RAPGEF2: variants seen among roughly 807,000 people sequenced by gnomAD.
RAPGEF2 encodes PDZ domain containing guanine nucleotide exchange factor (GEF) 1.
A neutral mutation model predicts 186.7 loss-of-function variants in RAPGEF2; 54 were observed. That is an observed-to-expected ratio of 0.29 (90% CI 0.23 to 0.36). The LOEUF (loss-of-function observed/expected upper bound fraction) is 0.36, where lower values mean the gene tolerates loss of function less well. RAPGEF2 is among the 10% of genes least tolerant of loss of function. The probability of loss-of-function intolerance (pLI) is 1.00; values close to 1 mark genes in which losing one functional copy is unlikely to be tolerated. For missense variants in RAPGEF2, 1,532 were observed against 2,045.0 expected, an observed-to-expected ratio of 0.75 and a Z score of 4.84; for synonymous variants, 712 against 705.9, an observed-to-expected ratio of 1.01 and a Z score of -0.14.
intron 7 of RAPGEF2, among the ~76,000 whole-genome samples, chr4:159,248,062 G>A (rs1314647542): frequency 6.6e-6 from 1 of 151,990 alleles, no homozygotes; most frequent in Non-Finnish European, 1.5e-5. Context: ...GCGCCCGGCC[G>A]AAATAATTTA....
intron 7 of RAPGEF2, among the ~76,000 whole-genome samples, chr4:159,248,408 C>T (rs549486875): frequency 9.9e-5 from 15 of 152,272 alleles, no homozygotes; most frequent in Non-Finnish European, 2.1e-4. Flanking sequence ...TCAGAAGAGT[C>T]TTAGGAGAGT....
At chr4:159,212,967 C>A (rs1406086525) in intron 4 of RAPGEF2, among the ~76,000 whole-genome samples, 2 of 152,212 alleles carry the variant, frequency 1.3e-5, no homozygotes, top group Non-Finnish European at 1.5e-5. Flanking sequence ...AGACTTATTT[C>A]TTGAGCACAT....
chr4:159,131,519 A>ATTGGTTTTTTTTTTT, intron 1 of RAPGEF2, among the ~76,000 whole-genome samples: 6 of 37,188 alleles, frequency 1.6e-4, no homozygotes, highest in African/African-American at 2.4e-4. Flanking sequence ...ATTAATTGCT[A>ATTGGTTTTTTTTTTT]TTTTTTTTTT....
chr4:159,212,541 C>T (rs1214720166), intron 4 of RAPGEF2, among the ~76,000 whole-genome samples: 1 of 151,924 alleles, frequency 6.6e-6, no homozygotes, highest in African/African-American at 2.4e-5. Flanking sequence ...TTAATGTCTT[C>T]CTTATTCTGG....
At position 159,359,212 on chromosome 4, in the gene RAPGEF2, G is replaced by A. The variant is rs1026676207; in HGVS notation, c.*1073G>A. ...GATAGCATTGCAGTGAAAGCAGCTT[G>A]GGATGTTGGAGCTAATGCCAGCTGT... On this transcript the variant is annotated 3_prime_UTR_variant, in exon 30 of 30. Transcript: ENST00000691494. 3 of 152,104 alleles carry A rather than the reference G, an allele frequency of 2.0e-5. No homozygotes were observed. Among genetic ancestry groups the A allele is most frequent in the African/African-American group, 7.2e-5 (3 of 41,406 alleles). The allele number at this position is 152,104 out of a possible 1,614,324, so 9.4% of individuals were successfully genotyped here.
intron 7 of RAPGEF2, among the ~76,000 whole-genome samples, chr4:159,272,107 A>G (rs1758204570): frequency 6.6e-6 from 1 of 152,078 alleles, no homozygotes; most frequent in South Asian, 2.1e-4. Flanking sequence ...GAACCTTGCC[A>G]TTTTGTCTCG....
intron 5 of RAPGEF2, among the ~76,000 whole-genome samples, chr4:159,240,638 T>A (rs1213446599): frequency 6.6e-6 from 1 of 151,996 alleles, no homozygotes; most frequent in African/African-American, 2.4e-5. Context: ...TGGCCTAAAA[T>A]TTTTTTAAAT....
chr4:159,320,645 C>T (rs1380119983), intron 9 of RAPGEF2, among the ~76,000 whole-genome samples: 1 of 152,036 alleles, frequency 6.6e-6, no homozygotes, highest in East Asian at 1.9e-4. Context: ...ACATAGAGTC[C>T]AATCAGAACA....
chr4:159,115,016 T>TA (rs1351699577), intron 1 of RAPGEF2, among the ~76,000 whole-genome samples: 1 of 152,170 alleles, frequency 6.6e-6, no homozygotes, highest in African/African-American at 2.4e-5. Flanking sequence ...AAAGGAATTT[T>TA]AAAAATCAAA....
chr4:159,208,409 T>C (rs1750183733), intron 3 of RAPGEF2, among the ~76,000 whole-genome samples: 1 of 152,156 alleles, frequency 6.6e-6, no homozygotes, highest in South Asian at 2.1e-4. Flanking sequence ...GATGTACTCT[T>C]GAAAGAAATG....
chr4:159,136,454 T>C (rs1035999390), intron 1 of RAPGEF2, among the ~76,000 whole-genome samples: 1 of 152,178 alleles, frequency 6.6e-6, no homozygotes. Context: ...AGTTTAGCTT[T>C]AGAACAAGGA....
chr4:159,112,420 G>T (rs1738598301), intron 1 of RAPGEF2, among the ~76,000 whole-genome samples: 1 of 151,882 alleles, frequency 6.6e-6, no homozygotes, highest in Non-Finnish European at 1.5e-5. Flanking sequence ...GTTAGCCTTA[G>T]CCTTCATATT....
At chr4:159,151,595 A>C (rs1452026855) in intron 1 of RAPGEF2, among the ~76,000 whole-genome samples, 1 of 151,896 alleles carries the variant, frequency 6.6e-6, no homozygotes, top group Non-Finnish European at 1.5e-5. Flanking sequence ...TTAGAAGATG[A>C]CAGTCTGATA....
rs1330910010 is a variant in RAPGEF2 at position 159,323,588 on chromosome 4, G to A, written c.1120G>A (p.Val374Met). 1.9e-6 allele frequency: 3 copies of A among 1,606,930 alleles called. No homozygotes were observed. The highest frequency in any genetic ancestry group is 1.7e-5 in the Admixed American group (1 of 59,438). ...PTMDKEYMKG[V>M]MRTKVDDCQF... ...CATGGACAAAGAATACATGAAAGGA[G>A]TGATGAGAACAAAGGTGGATGACTG... Residue 374 changes from valine to methionine, a missense_variant, in exon 11 of 30, where the codon GTG (valine) becomes ATG (methionine). Coordinates refer to ENST00000691494, the MANE Select transcript of RAPGEF2 (RefSeq NM_001394067.2).
chr4:159,125,297 A>T (rs773380483), intron 1 of RAPGEF2, among the ~76,000 whole-genome samples: 2 of 152,220 alleles, frequency 1.3e-5, no homozygotes, highest in Non-Finnish European at 2.9e-5. Context: ...AGGTATATCA[A>T]CCTTGAAATT....
At chr4:159,150,200 A>AT (rs1561014617) in intron 1 of RAPGEF2, among the ~76,000 whole-genome samples, 108 of 151,598 alleles carry the variant, frequency 7.1e-4, no homozygotes, top group African/African-American at 2.6e-3. Flanking sequence ...ATATACTATA[A>AT]AGTCACCATG....
intron 7 of RAPGEF2, among the ~76,000 whole-genome samples, chr4:159,304,063 T>C (rs1187792364): frequency 6.6e-6 from 1 of 152,164 alleles, no homozygotes; most frequent in Non-Finnish European, 1.5e-5. Flanking sequence ...AATTTTAGCT[T>C]ACTAAATTAA....
intron 25 of RAPGEF2, among the ~76,000 whole-genome samples, chr4:159,347,525 C>G: frequency 6.6e-6 from 1 of 152,248 alleles, no homozygotes; most frequent in Non-Finnish European, 1.5e-5. Context: ...TGGCTCACGC[C>G]TGTAATCCCA....
intron 1 of RAPGEF2, among the ~76,000 whole-genome samples, chr4:159,160,637 A>G (rs974277195): frequency 6.6e-6 from 1 of 151,862 alleles, no homozygotes; most frequent in African/African-American, 2.4e-5. Flanking sequence ...TATCTTTAAC[A>G]TGATATTCAG....
Sources: gnomAD v4.1 joint callset for allele counts (sites outside exome capture counted in the v4.1 genomes callset) on GRCh38, gnomAD v4.1.1 for gene constraint, MANE v1.5 for transcripts, NCBI Gene and HGNC (gene_info 2026-07-23, HGNC 2026-07-21) for gene names.